NDUFAF2: variants seen among roughly 807,000 people sequenced by gnomAD.
NDUFAF2 encodes NADH:ubiquinone oxidoreductase complex assembly factor 2.
NDUFAF2 carries 13 observed loss-of-function variants against 22.8 expected under a neutral mutation model. The observed-to-expected ratio is 0.57, with a 90% confidence interval of 0.37 to 0.91. The LOEUF (loss-of-function observed/expected upper bound fraction) is 0.91. Ranked by LOEUF, NDUFAF2 falls within the 40% of genes least tolerant of loss-of-function variation. NDUFAF2 has a pLI of 0.01. For missense variants in NDUFAF2, 162 were observed against 195.2 expected, an observed-to-expected ratio of 0.83 and a Z score of 1.01; for synonymous variants, 53 against 64.2, an observed-to-expected ratio of 0.83 and a Z score of 0.84.
chr5:61,126,203 A>G (rs1220868519), intron 3 of NDUFAF2, among the ~76,000 whole-genome samples: 1 of 152,030 alleles, frequency 6.6e-6, no homozygotes, highest in Non-Finnish European at 1.5e-5. Context: ...AGTTCTTGCT[A>G]TGTAGTAATA....
chr5:60,952,658 T>C (rs1750563860), intron 1 of NDUFAF2, among the ~76,000 whole-genome samples: 1 of 152,124 alleles, frequency 6.6e-6, no homozygotes, highest in African/African-American at 2.4e-5. Flanking sequence ...TATTATCTAT[T>C]TTGCTATTTG....
At chr5:61,035,202 G>A (rs1163266515) in intron 1 of NDUFAF2, among the ~76,000 whole-genome samples, 1 of 151,776 alleles carries the variant, frequency 6.6e-6, no homozygotes, top group Non-Finnish European at 1.5e-5. Flanking sequence ...AAGTGGCTGG[G>A]ATTACAGGCA....
chr5:61,124,239 C>G (rs898425284), intron 3 of NDUFAF2, among the ~76,000 whole-genome samples: 3 of 151,990 alleles, frequency 2.0e-5, no homozygotes, highest in African/African-American at 7.2e-5. Flanking sequence ...TTATAAAGTG[C>G]TGTTGTGCTC....
chr5:61,060,167 C>G (rs1041406379), intron 1 of NDUFAF2, among the ~76,000 whole-genome samples: 1 of 151,928 alleles, frequency 6.6e-6, no homozygotes, highest in African/African-American at 2.4e-5. Context: ...TGAAAGGAAC[C>G]TAAACATTGC....
At chr5:61,130,114 G>T (rs1345565640) in intron 3 of NDUFAF2, among the ~76,000 whole-genome samples, 1 of 152,056 alleles carries the variant, frequency 6.6e-6, no homozygotes, top group Non-Finnish European at 1.5e-5. Context: ...TAAAAAAATG[G>T]TTTTACCTAG....
intron 3 of NDUFAF2, among the ~76,000 whole-genome samples, chr5:61,105,403 A>G (rs1427581912): frequency 6.6e-6 from 1 of 151,262 alleles, no homozygotes; most frequent in African/African-American, 2.5e-5. Flanking sequence ...TGATGACTTA[A>G]ATTGCAAAGA....
chr5:61,137,845 G>A (rs182560009), intron 3 of NDUFAF2, among the ~76,000 whole-genome samples: 7 of 152,344 alleles, frequency 4.6e-5, no homozygotes, highest in Non-Finnish European at 5.9e-5. Flanking sequence ...GGACAAAGTC[G>A]AAATGTGATG....
chr5:61,047,003 A>G (rs1751961700), intron 1 of NDUFAF2, among the ~76,000 whole-genome samples: 1 of 152,188 alleles, frequency 6.6e-6, no homozygotes, highest in South Asian at 2.1e-4. Context: ...TCTAGGCAGA[A>G]GAAGTATGGC....
At chr5:61,026,491 T>G (rs1284558580) in intron 1 of NDUFAF2, among the ~76,000 whole-genome samples, 1 of 152,036 alleles carries the variant, frequency 6.6e-6, no homozygotes, top group Admixed American at 6.6e-5. Context: ...TCTTTACTAT[T>G]TAAACAGAAA....
chr5:61,069,583 T>C (rs1229908072), intron 1 of NDUFAF2, among the ~76,000 whole-genome samples: 2 of 152,172 alleles, frequency 1.3e-5, no homozygotes, highest in Non-Finnish European at 2.9e-5. Flanking sequence ...TATAGTACTC[T>C]AAAGTATGGC....
chr5:61,035,721 C>G (rs1751792272), intron 1 of NDUFAF2, among the ~76,000 whole-genome samples: 2 of 152,078 alleles, frequency 1.3e-5, no homozygotes, highest in Middle Eastern at 3.4e-3. Flanking sequence ...TATTCTTAGA[C>G]TTACCGAATG....
At chr5:61,042,779 G>A (rs755995828) in intron 1 of NDUFAF2, among the ~76,000 whole-genome samples, 3 of 152,152 alleles carry the variant, frequency 2.0e-5, no homozygotes, top group Non-Finnish European at 4.4e-5. Context: ...ATATTATTCA[G>A]TACTAAAAAT....
chr5:60,991,959 G>C (rs1026244474), intron 1 of NDUFAF2, among the ~76,000 whole-genome samples: 1 of 152,188 alleles, frequency 6.6e-6, no homozygotes, highest in Non-Finnish European at 1.5e-5. Flanking sequence ...GCCAGCGTTT[G>C]TTATTGCCTG....
intron 1 of NDUFAF2, among the ~76,000 whole-genome samples, chr5:61,062,099 G>A (rs1301184060): frequency 6.6e-6 from 1 of 152,154 alleles, no homozygotes. Flanking sequence ...TTTGGAAGAG[G>A]TGACTGTACC....
chr5:61,068,798 G>C (rs900891686), intron 1 of NDUFAF2, among the ~76,000 whole-genome samples: 5 of 151,890 alleles, frequency 3.3e-5, no homozygotes, highest in African/African-American at 9.7e-5. Flanking sequence ...TTTTAGCTTA[G>C]CCCTTGTATT....
Position 61,137,283 on chromosome 5 carries a change from G to T in NDUFAF2, c.259-15421G>T, listed in dbSNP as rs560598521. Among the ~76,000 whole-genome samples, 6 of 152,292 alleles carry T rather than the reference G, an allele frequency of 3.9e-5. No homozygotes were observed. The East Asian group carries it at 1.2e-3, about 29-fold the overall frequency. ...CTCTCTCTTGAGCTAGACCCATGGA[G>T]TCATTTATTCATTCAACAAATTATT... On this transcript the variant is annotated intron_variant, in intron 3 of 3. Transcript: ENST00000296597.
Position 61,067,095 on chromosome 5 carries a change from G to A in NDUFAF2, c.128-6030G>A, listed in dbSNP as rs115096467. On this transcript the variant is annotated intron_variant, in intron 1 of 3. Coordinates refer to ENST00000296597, the MANE Select transcript of NDUFAF2 (RefSeq NM_174889.5). ...ATGAGTAGATTTTAGTTGCTCTTGC[G>A]ACACACAAAAAGGGATAACTGTGAG... 8.0e-3 allele frequency among the ~76,000 whole-genome samples: 1,213 copies of A among 152,076 alleles called. 16 individuals carry two copies. Among genetic ancestry groups the A allele is most frequent in the African/African-American group, 0.027 (1,132 of 41,492 alleles).
Position 61,054,529 on chromosome 5 carries a change from G to A in NDUFAF2, c.128-18596G>A, listed in dbSNP as rs76745739. Among the ~76,000 whole-genome samples the A allele has an allele frequency of 0.013, 2,049 of 152,182 alleles. 118 individuals carry two copies. The East Asian group carries it at 0.19, about 14-fold the overall frequency. ...AATGGTCTACACCTGGGCAGTTGAC[G>A]TCACCATTAGACCAAATCTCAGTAG... is the stretch of plus-strand genomic sequence containing the variant. On this transcript the variant is annotated intron_variant, in intron 1 of 3. Transcript: ENST00000296597.
intron 1 of NDUFAF2, among the ~76,000 whole-genome samples, chr5:60,969,983 C>G (rs1355976935): frequency 2.0e-5 from 3 of 152,138 alleles, no homozygotes; most frequent in Non-Finnish European, 2.9e-5. Context: ...AAGAGAATGT[C>G]ATTTCCCCAC....
Sources: gnomAD v4.1 joint callset for allele counts (sites outside exome capture counted in the v4.1 genomes callset) on GRCh38, gnomAD v4.1.1 for gene constraint, MANE v1.5 for transcripts, NCBI Gene and HGNC (gene_info 2026-07-23, HGNC 2026-07-21) for gene names.